VWC2L: variants seen among roughly 807,000 people sequenced by gnomAD.
VWC2L encodes the protein von Willebrand factor C domain containing 2 like.
A neutral mutation model predicts 21.6 loss-of-function variants in VWC2L; 10 were observed. The ratio of observed to expected loss-of-function variants is 0.46; its 90% CI spans 0.29 to 0.78. The LOEUF (loss-of-function observed/expected upper bound fraction) is 0.78. VWC2L is among the 30% of genes least tolerant of loss of function. The pLI, the probability that VWC2L is intolerant of heterozygous loss-of-function variation, is 0.10. For synonymous variants in VWC2L, 96 were observed against 94.3 expected (o/e 1.02, Z -0.10); for missense variants, 209 against 277.1 (o/e 0.75, Z 1.74).
At chr2:214,508,151 T>C (rs1442456839) in intron 3 of VWC2L, among the ~76,000 whole-genome samples, 2 of 152,088 alleles carry the variant, frequency 1.3e-5, no homozygotes, top group East Asian at 3.9e-4. Context: ...TAATTTTTTA[T>C]ATTTTTAGTA....
At position 214,481,615 on chromosome 2, in the gene VWC2L, A is replaced by G. The variant is rs1381841718; in HGVS notation, c.520+44857A>G. On this transcript the variant is annotated intron_variant, in intron 3 of 3. Coordinates refer to ENST00000312504, the MANE Select transcript of VWC2L (RefSeq NM_001080500.4). The stretch of plus-strand genomic sequence containing the variant: ...TGGTGTGGTTATACAGCAATACACA[A>G]CTGATACATGGATATATTTTTAAGT... Among the ~76,000 whole-genome samples, 5 of 152,164 alleles carry G rather than the reference A, an allele frequency of 3.3e-5. No homozygotes were observed. The East Asian group carries it at 9.6e-4, about 29-fold the overall frequency.
intron 3 of VWC2L, among the ~76,000 whole-genome samples, chr2:214,461,779 A>C (rs1703145354): frequency 6.6e-6 from 1 of 152,080 alleles, no homozygotes; most frequent in Non-Finnish European, 1.5e-5. Context: ...GTTAGGAGGT[A>C]ATGGCAGTGG....
chr2:214,413,323 T>C (rs1306337048), intron 1 of VWC2L, among the ~76,000 whole-genome samples: 1 of 152,064 alleles, frequency 6.6e-6, no homozygotes, highest in African/African-American at 2.4e-5. Flanking sequence ...AATTTATAGA[T>C]AGATCTTTCC....
intron 2 of VWC2L, among the ~76,000 whole-genome samples, chr2:214,425,195 C>G (rs1174492122): frequency 6.6e-6 from 1 of 152,208 alleles, no homozygotes. Flanking sequence ...AGATATTCTT[C>G]CCTTTCTACT....
At chr2:214,433,865 C>T (rs2126177644) in intron 2 of VWC2L, among the ~76,000 whole-genome samples, 1 of 152,188 alleles carries the variant, frequency 6.6e-6, no homozygotes, top group East Asian at 1.9e-4. Flanking sequence ...GAAAGGGGTT[C>T]TAGCTTGAAG....
chr2:214,438,888 G>A (rs977678939), intron 3 of VWC2L, among the ~76,000 whole-genome samples: 1 of 151,970 alleles, frequency 6.6e-6, no homozygotes, highest in Non-Finnish European at 1.5e-5. Flanking sequence ...GGTATGTTAA[G>A]TTTTCTGATA....
intron 3 of VWC2L, among the ~76,000 whole-genome samples, chr2:214,512,361 C>A (rs1338270748): frequency 1.3e-5 from 2 of 151,988 alleles, no homozygotes; most frequent in Non-Finnish European, 2.9e-5. Context: ...GATGAGAATA[C>A]ATGGACATAT....
In VWC2L at chr2:214,561,784, T is replaced by TTATATATA. The variant is rs67223012; in HGVS notation, c.521-13869_521-13862dup. ...GAGTAATACCTTATCTCAAAAAAAA[T>TTATATATA]TATATATATATATATATATATATAT... is the stretch of plus-strand genomic sequence containing the variant. On this transcript the variant is annotated intron_variant, in intron 3 of 3. Coordinates refer to ENST00000312504, the MANE Select transcript of VWC2L (RefSeq NM_001080500.4). Among the ~76,000 whole-genome samples the TTATATATA allele has an allele frequency of 4.6e-4, 59 of 128,658 alleles. 1 individual carries two copies. The highest frequency in any genetic ancestry group is 1.9e-3 in the African/African-American group (57 of 29,634). The allele number at this position is 128,658 out of a possible 152,430, so 84.4% of individuals were successfully genotyped here.
intron 3 of VWC2L, among the ~76,000 whole-genome samples, chr2:214,537,049 G>A (rs1464301021): frequency 2.0e-5 from 3 of 150,822 alleles, no homozygotes; most frequent in Non-Finnish European, 4.4e-5. Context: ...TAATTACCTC[G>A]GGGCTCATTC....
rs530536384 is a variant in VWC2L at position 214,485,037 on chromosome 2, C to T, written c.520+48279C>T. Among the ~76,000 whole-genome samples, 3 of 152,280 alleles carry T rather than the reference C, an allele frequency of 2.0e-5. No homozygotes were observed. In the East Asian group the frequency reaches 5.8e-4, roughly 29 times the overall value. On this transcript the variant is annotated intron_variant, in intron 3 of 3. Transcript: ENST00000312504. ...CTTACCTTTAGAAGTCTGTATCTGG[C>T]CGGGTGCAGTGGCTCATGCCTATAA...
chr2:214,426,181 A>G (rs1702522462), intron 2 of VWC2L, among the ~76,000 whole-genome samples: 1 of 151,328 alleles, frequency 6.6e-6, no homozygotes, highest in Non-Finnish European at 1.5e-5. Context: ...CAAAAAAAAA[A>G]AAAAAAAAAA....
chr2:214,434,493 G>A (rs1669589138), intron 2 of VWC2L, among the ~76,000 whole-genome samples: 1 of 152,178 alleles, frequency 6.6e-6, no homozygotes, highest in African/African-American at 2.4e-5. Flanking sequence ...TCAGTACACA[G>A]AATGGTGATT....
At chr2:214,536,266 C>A (rs1444583731) in intron 3 of VWC2L, among the ~76,000 whole-genome samples, 2 of 152,060 alleles carry the variant, frequency 1.3e-5, no homozygotes, top group African/African-American at 4.8e-5. Context: ...CCTCAATAAA[C>A]ATGTATGTTA....
At chr2:214,422,115 C>T (rs1702452673) in intron 2 of VWC2L, among the ~76,000 whole-genome samples, 2 of 151,696 alleles carry the variant, frequency 1.3e-5, no homozygotes, top group Admixed American at 6.6e-5. Flanking sequence ...GTCTCGATCT[C>T]CTGACCTCGT....
intron 2 of VWC2L, chr2:214,415,203 A>G (rs139689023): frequency 3.9e-4 from 59 of 152,062 alleles, no homozygotes; most frequent in African/African-American, 1.4e-3. Context: ...AAAGACTGTA[A>G]TTTTTTTCAG....
chr2:214,498,465 T>A (rs1688841876), intron 3 of VWC2L, among the ~76,000 whole-genome samples: 1 of 152,104 alleles, frequency 6.6e-6, no homozygotes, highest in South Asian at 2.1e-4. Flanking sequence ...TGTCTCTAGG[T>A]ATGCTTGAAT....
chr2:214,487,152 G>C (rs1427237902), intron 3 of VWC2L, among the ~76,000 whole-genome samples: 1 of 151,874 alleles, frequency 6.6e-6, no homozygotes, highest in Non-Finnish European at 1.5e-5. Context: ...CCAGATTGCT[G>C]ACACCTTGTT....
At chr2:214,480,246 A>G (rs770439564) in intron 3 of VWC2L, among the ~76,000 whole-genome samples, 3 of 152,210 alleles carry the variant, frequency 2.0e-5, no homozygotes, top group Non-Finnish European at 4.4e-5. Flanking sequence ...AATTCCTGAT[A>G]TTGTATGGTA....
chr2:214,558,178 T>C (rs1376519160), intron 3 of VWC2L, among the ~76,000 whole-genome samples: 2 of 152,184 alleles, frequency 1.3e-5, no homozygotes, highest in Admixed American at 1.3e-4. Flanking sequence ...TGTATTGCTA[T>C]TTTTTTCCTT....
Sources: gnomAD v4.1 joint callset for allele counts (sites outside exome capture counted in the v4.1 genomes callset) on GRCh38, gnomAD v4.1.1 for gene constraint, MANE v1.5 for transcripts, NCBI Gene and HGNC (gene_info 2026-07-23, HGNC 2026-07-21) for gene names.